PHF24: variants seen among roughly 807,000 people sequenced by gnomAD.
The protein encoded by PHF24 is PHD finger protein 24, also known as Galpha inhibitory interacting protein.
A neutral mutation model predicts 42.6 loss-of-function variants in PHF24; 25 were observed. That is an observed-to-expected ratio of 0.59 (90% CI 0.43 to 0.82). PHF24 has a LOEUF of 0.82. Ranked by LOEUF, PHF24 falls within the 40% of genes least tolerant of loss-of-function variation. The pLI is 0.00. For missense variants in PHF24, 470 were observed against 538.1 expected (o/e 0.87, Z 1.25); for synonymous variants, 185 against 204.8 (o/e 0.90, Z 0.83).
the PHF24 span, among the ~76,000 whole-genome samples, chr9:34,740,093 G>A: frequency 3.9e-5 from 6 of 152,210 alleles, no homozygotes; most frequent in Admixed American, 6.5e-5. Context: ...ACGGAGTGCC[G>A]ATTGGTGTAT....
At chr9:34,736,605 C>T in the PHF24 span, among the ~76,000 whole-genome samples, 1 of 152,196 alleles carries the variant, frequency 6.6e-6, no homozygotes, top group Admixed American at 6.5e-5. Context: ...ACATGCCTGG[C>T]TGAAATTTTC....
chr9:34,976,267 C>G (rs746395097), intron 4 of PHF24, 37 bp downstream of exon 4: 2 of 1,532,028 alleles, frequency 1.3e-6, no homozygotes, highest in South Asian at 2.2e-5. Context: ...GGAGAGGGGC[C>G]GGGCAGATTT....
the PHF24 span, among the ~76,000 whole-genome samples, chr9:34,782,552 C>T: frequency 1.3e-5 from 2 of 152,152 alleles, no homozygotes; most frequent in Non-Finnish European, 1.5e-5. Context: ...TCCAGTGACT[C>T]ATCCTGTCAC....
the PHF24 span, among the ~76,000 whole-genome samples, chr9:34,916,988 A>T: frequency 6.6e-6 from 1 of 152,244 alleles, no homozygotes; most frequent in African/African-American, 2.4e-5. Context: ...TTGAGTAAAA[A>T]ACTTAGAAAC....
the PHF24 span, among the ~76,000 whole-genome samples, chr9:34,901,878 A>G: frequency 6.6e-6 from 1 of 152,242 alleles, no homozygotes; most frequent in African/African-American, 2.4e-5. Context: ...ATTTAATGGT[A>G]TAAATTTCTG....
chr9:34,911,857 G>T, the PHF24 span, among the ~76,000 whole-genome samples: 1 of 152,204 alleles, frequency 6.6e-6, no homozygotes, highest in Non-Finnish European at 1.5e-5. Context: ...GTGAAGGAAA[G>T]TCAAAGCCTG....
chr9:34,690,108 T>G, the PHF24 span: 1 of 1,583,650 alleles, frequency 6.3e-7, no homozygotes, highest in African/African-American at 1.3e-5. Context: ...AGGGATTTCC[T>G]TGAAGGGGTT....
chr9:34,765,716 G>A, the PHF24 span, among the ~76,000 whole-genome samples: 1 of 151,916 alleles, frequency 6.6e-6, no homozygotes, highest in Non-Finnish European at 1.5e-5. Context: ...AGTTAATATT[G>A]TTATGTGTGA....
At chr9:34,830,936 T>C in the PHF24 span, among the ~76,000 whole-genome samples, 1 of 152,214 alleles carries the variant, frequency 6.6e-6, no homozygotes, top group Non-Finnish European at 1.5e-5. Context: ...TAACTATGTA[T>C]TTCCCTGAAT....
the PHF24 span, among the ~76,000 whole-genome samples, chr9:34,748,934 G>C: frequency 6.6e-6 from 1 of 152,066 alleles, no homozygotes; most frequent in Non-Finnish European, 1.5e-5. Flanking sequence ...TAGCTGTTTT[G>C]AGGAAACTCA....
chr9:34,950,813 A>G, the PHF24 span, among the ~76,000 whole-genome samples: 10 of 152,202 alleles, frequency 6.6e-5, no homozygotes, highest in Non-Finnish European at 1.5e-4. Flanking sequence ...AAGGAGGAAA[A>G]TTGAAAAGGT....
the PHF24 span, among the ~76,000 whole-genome samples, chr9:34,819,906 A>G: frequency 1.3e-5 from 2 of 152,210 alleles, no homozygotes; most frequent in South Asian, 4.1e-4. Context: ...GAAATCTTCA[A>G]TTTTAATTGT....
chr9:34,976,968 G>T, intron 5 of PHF24, 115 bp from the exon 6 acceptor site: 1 of 1,227,430 alleles, frequency 8.1e-7, no homozygotes, highest in Non-Finnish European at 1.1e-6. Context: ...CCTCCAGAAG[G>T]GCTCTGGGCA....
At chr9:34,855,469 G>C in the PHF24 span, among the ~76,000 whole-genome samples, 1 of 152,200 alleles carries the variant, frequency 6.6e-6, no homozygotes, top group African/African-American at 2.4e-5. Context: ...GGCAGGCCTG[G>C]TGGTGACGAA....
the PHF24 span, among the ~76,000 whole-genome samples, chr9:34,772,307 A>G: frequency 6.6e-6 from 1 of 152,234 alleles, no homozygotes; most frequent in African/African-American, 2.4e-5. Context: ...AGACTTAATA[A>G]TTTCACTTTT....
chr9:34,791,314 G>A, the PHF24 span, among the ~76,000 whole-genome samples: 1 of 152,202 alleles, frequency 6.6e-6, no homozygotes, highest in Non-Finnish European at 1.5e-5. Context: ...TGGCACCAGG[G>A]ATTTTGGCCT....
the PHF24 span, among the ~76,000 whole-genome samples, chr9:34,692,581 C>T: frequency 6.6e-6 from 1 of 152,052 alleles, no homozygotes; most frequent in Non-Finnish European, 1.5e-5. Flanking sequence ...GCAGACAGAG[C>T]GCCTAGCTTG....
chr9:34,713,897 G>A, the PHF24 span, among the ~76,000 whole-genome samples: 1 of 152,134 alleles, frequency 6.6e-6, no homozygotes, highest in African/African-American at 2.4e-5. Context: ...CATAGGAAGA[G>A]GAGGAAATGA....
the PHF24 span, chr9:34,836,930 C>T: frequency 3.0e-6 from 1 of 332,798 alleles, no homozygotes; most frequent in East Asian, 8.2e-5. Flanking sequence ...GCAACCCTCT[C>T]AACTAGTGAA....
Sources: allele counts gnomAD v4.1 joint callset (sites outside exome capture counted in the v4.1 genomes callset), GRCh38; gene constraint gnomAD v4.1.1; transcripts MANE v1.5; gene names NCBI Gene and HGNC (gene_info 2026-07-23, HGNC 2026-07-21).